The following SIRT3 variants were observed in gnomAD, a reference collection of about 807,000 sequenced individuals.
SIRT3 encodes NAD-dependent protein deacetylase sirtuin-3, mitochondrial.
A neutral mutation model predicts 33.5 loss-of-function variants in SIRT3; 26 were observed. That is an observed-to-expected ratio of 0.78 (90% CI 0.57 to 1.08). SIRT3 has a LOEUF of 1.08. SIRT3 is among the 50% of genes least tolerant of loss of function. SIRT3 has a pLI of 0.00. For missense variants in SIRT3, 585 were observed against 530.1 expected (o/e 1.10, Z -1.02); for synonymous variants, 237 against 222.1 (o/e 1.07, Z -0.60).
chr11:227,705 A>C (rs1857368209), intron 4 of SIRT3, among the ~76,000 whole-genome samples: 1 of 151,866 alleles, frequency 6.6e-6, no homozygotes, highest in South Asian at 2.1e-4. Flanking sequence ...AGCTCACAGC[A>C]ACCTCCCCTC....
rs571527225 is a variant in SIRT3 at position 236,134 on chromosome 11, G to A, written c.195C>T (p.Arg65=). 1.9e-6 allele frequency: 3 copies of A among 1,576,288 alleles called. No homozygotes were observed. The highest frequency in any genetic ancestry group is 2.3e-5 in the South Asian group (2 of 86,222). ...GARGEPLDPA[R]PLQRPPRPEV... Reference sequence around the variant, plus strand: ...CGGGTCTGGGAGGCCTCTGCAAGGGGCGCGCCGGGTCCAAGGGCTCACCGC... The same window carrying A: ...CGGGTCTGGGAGGCCTCTGCAAGGGACGCGCCGGGTCCAAGGGCTCACCGC... Residue 65 remains arginine, a synonymous_variant, in exon 1 of 7, where the codon CGC becomes CGT. Coordinates refer to ENST00000382743, the MANE Select transcript of SIRT3 (RefSeq NM_012239.6).
intron 1 of SIRT3, among the ~76,000 whole-genome samples, chr11:234,591 A>G (rs1858651339): frequency 6.6e-6 from 1 of 151,068 alleles, no homozygotes; most frequent in Non-Finnish European, 1.5e-5. Flanking sequence ...ATTTCCTTGT[A>G]TTTTTAGTAA....
In SIRT3 at chr11:230,442, G is replaced by C. The variant is rs763719880; in HGVS notation, c.807+10C>G. On this transcript the variant is annotated intron_variant, in intron 4 of 6. Transcript: ENST00000382743. Reference sequence around the variant, plus strand: ...ACTGCAGAAGGACAACCAACAGCAGGATAACTCACCCGAATGTCCTCCCCT... The same window carrying C: ...ACTGCAGAAGGACAACCAACAGCAGCATAACTCACCCGAATGTCCTCCCCT... 1 of 1,426,228 alleles carries C rather than the reference G, an allele frequency of 7.0e-7. No homozygotes were observed. Among genetic ancestry groups the C allele is most frequent in the South Asian group, 1.6e-5 (1 of 61,992 alleles). 88.3% of individuals were successfully genotyped at this position (1,426,228 alleles called of 1,614,324 possible). A position where few individuals can be genotyped will look rare whatever the true frequency, so the allele number is the denominator to read the frequency against.
At chr11:234,914 T>C (rs1374955153) in intron 1 of SIRT3, among the ~76,000 whole-genome samples, 1 of 151,716 alleles carries the variant, frequency 6.6e-6, no homozygotes, top group Admixed American at 6.6e-5. Flanking sequence ...TTTTTGCTCT[T>C]TCGCCCGGGC....
intron 1 of SIRT3, among the ~76,000 whole-genome samples, chr11:235,351 T>A (rs1267542329): frequency 4.0e-5 from 6 of 150,778 alleles, no homozygotes; most frequent in African/African-American, 1.5e-4. Flanking sequence ...GACAACAGGC[T>A]TGCGCCACCA....
chr11:217,329 A>C (rs896516479), intron 6 of SIRT3, among the ~76,000 whole-genome samples: 15 of 152,254 alleles, frequency 9.9e-5, no homozygotes, highest in Non-Finnish European at 1.5e-4. Context: ...ACATGCCTGT[A>C]ATCCCAGCTG....
chr11:236,264 A>G lies in SIRT3; in HGVS notation c.65T>C (p.Val22Ala). 6.5e-7 allele frequency: 1 copy of G among 1,542,876 alleles called. No individual in the cohort carries two copies. Residue 22 changes from valine to alanine, a missense_variant, in exon 1 of 7, where the codon GTC becomes GCC. By Grantham distance (64) the Val-to-Ala change is moderately conservative. Transcript: ENST00000382743. ...CGGCCCCACGCCTCCCCCGGCCTCG[A>G]CCCGTTCAACTACCCGGCCCCACAG... ...LRLWGRVVER[V>A]EAGGGVGPFQ...
chr11:218,250 C>T (rs1407608193), intron 6 of SIRT3, among the ~76,000 whole-genome samples: 1 of 152,228 alleles, frequency 6.6e-6, no homozygotes, highest in East Asian at 1.9e-4. Flanking sequence ...CCATTGAAAA[C>T]CCTTAATATC....
At chr11:221,960 T>A (rs1215272636) in intron 5 of SIRT3, among the ~76,000 whole-genome samples, 2 of 151,980 alleles carry the variant, frequency 1.3e-5, no homozygotes, top group East Asian at 3.9e-4. Context: ...AAAAAGTTGA[T>A]CCTTTGCTTT....
chr11:232,243 G>A (rs573771), intron 3 of SIRT3, among the ~76,000 whole-genome samples: 3,942 of 151,910 alleles, frequency 0.026, 170 homozygotes, highest in African/African-American at 0.088. Context: ...TCAGCCTCCC[G>A]AGTACCTGGG....
At chr11:218,790 A>G in intron 6 of SIRT3, 42 bp downstream of exon 6, 1 of 1,613,968 alleles carries the variant, frequency 6.2e-7, no homozygotes, top group Non-Finnish European at 8.5e-7. Context: ...TAGAGCAGTG[A>G]GAAGGGCAGC....
chr11:231,079 C>T (rs1404006289), intron 3 of SIRT3, among the ~76,000 whole-genome samples: 3 of 149,160 alleles, frequency 2.0e-5, no homozygotes, highest in East Asian at 2.0e-4. Flanking sequence ...GAGCTGAGGT[C>T]GTGCCACCGC....
intron 1 of SIRT3, among the ~76,000 whole-genome samples, chr11:234,402 ATTT>A (rs66463110): frequency 4.4e-5 from 2 of 45,664 alleles, no homozygotes; most frequent in Admixed American, 2.2e-4. Context: ...GGTAGCAAGG[ATTT>A]TTGTTTTGTT....
intron 5 of SIRT3, among the ~76,000 whole-genome samples, chr11:219,793 C>T (rs6598072): frequency 0.79 from 119,136 of 151,568 alleles, 47,097 homozygotes; most frequent in African/African-American, 0.87. Context: ...GAAGAACGTT[C>T]TAGGCGTAAA....
At chr11:235,154 G>A (rs1858791437) in intron 1 of SIRT3, among the ~76,000 whole-genome samples, 1 of 152,010 alleles carries the variant, frequency 6.6e-6, no homozygotes. Flanking sequence ...GGGATTACAG[G>A]CGTGAGCTAC....
chr11:216,589 C>T lies in SIRT3; in HGVS notation c.*109G>A. 1 of 1,246,762 alleles carries T rather than the reference C, an allele frequency of 8.0e-7. No homozygotes were observed. The allele number at this position is 1,246,762 out of a possible 1,614,324, so 77.2% of individuals were successfully genotyped here. On this transcript the variant is annotated 3_prime_UTR_variant, in exon 7 of 7. Transcript: ENST00000382743. Reference sequence around the variant, plus strand: ...CAGCCTCGGGTGTCCACTCAGTTCACATATTCTGGTTTCACCTGCCCAAGC... The same window carrying T: ...CAGCCTCGGGTGTCCACTCAGTTCATATATTCTGGTTTCACCTGCCCAAGC...
At chr11:235,008 G>A (rs997515894) in intron 1 of SIRT3, among the ~76,000 whole-genome samples, 5 of 151,800 alleles carry the variant, frequency 3.3e-5, no homozygotes, top group Non-Finnish European at 7.4e-5. Context: ...CTCCTGAGTA[G>A]CTAGGATTAC....
rs970324455 is a variant in SIRT3 at position 216,132 on chromosome 11, C to G, written c.*566G>C. Reference sequence around the variant, plus strand: ...TTCCCTTTCCAACTCATGTCAACACCTGCAGTCCCTTTGAGGAGACTAAAT... The same window carrying G: ...TTCCCTTTCCAACTCATGTCAACACGTGCAGTCCCTTTGAGGAGACTAAAT... On this transcript the variant is annotated 3_prime_UTR_variant, in exon 7 of 7. Coordinates refer to ENST00000382743, the MANE Select transcript of SIRT3 (RefSeq NM_012239.6). 6.5e-6 allele frequency: 1 copy of G among 152,876 alleles called. No homozygotes were observed. The highest frequency in any genetic ancestry group is 1.5e-5 in the Non-Finnish European group (1 of 68,234). The allele number at this position is 152,876 out of a possible 1,614,324, so 9.5% of individuals were successfully genotyped here.
At chr11:221,752 T>C (rs1856471027) in intron 5 of SIRT3, among the ~76,000 whole-genome samples, 1 of 152,176 alleles carries the variant, frequency 6.6e-6, no homozygotes, top group Non-Finnish European at 1.5e-5. Flanking sequence ...CTCATATCCG[T>C]GTAAGGGAAA....
Sources: gnomAD v4.1 joint callset for allele counts (sites outside exome capture counted in the v4.1 genomes callset) on GRCh38, gnomAD v4.1.1 for gene constraint, MANE v1.5 for transcripts, NCBI Gene and HGNC (gene_info 2026-07-23, HGNC 2026-07-21) for gene names.